ARIH1: variants seen among roughly 807,000 people sequenced by gnomAD.
ARIH1 encodes the protein E3 ubiquitin-protein ligase ARIH1.
In ARIH1, 8 loss-of-function variants were observed where a neutral mutation model predicts 85.0. That is an observed-to-expected ratio of 0.09 (90% CI 0.06 to 0.17). The LOEUF (loss-of-function observed/expected upper bound fraction) is 0.17. Ranked by LOEUF, ARIH1 falls within the 10% of genes least tolerant of loss-of-function variation. ARIH1 has a pLI of 1.00. For synonymous variants in ARIH1, 238 were observed against 253.6 expected (o/e 0.94, Z 0.59); for missense variants, 311 against 718.1 (o/e 0.43, Z 6.48).
chr15:72,490,702 CAAGCAGGGATGGGAGAGG>C (rs2063855697), intron 1 of ARIH1, among the ~76,000 whole-genome samples: 1 of 152,022 alleles, frequency 6.6e-6, no homozygotes, highest in South Asian at 2.1e-4. Flanking sequence ...TCATTCATGA[CAAGCAGGGATGGGAGAGG>C]AAGCAGGGAT....
intron 2 of ARIH1, among the ~76,000 whole-genome samples, chr15:72,529,141 A>C (rs1014283798): frequency 5.3e-5 from 8 of 151,942 alleles, no homozygotes; most frequent in Non-Finnish European, 1.5e-5. Context: ...CGGAGCTTGC[A>C]GTGAGCCGAG....
At chr15:72,548,609 C>A (rs770413822) in intron 3 of ARIH1, among the ~76,000 whole-genome samples, 14 of 152,162 alleles carry the variant, frequency 9.2e-5, no homozygotes, top group Non-Finnish European at 2.1e-4. Context: ...CGAAAAGTAT[C>A]ATGACAAAAC....
chr15:72,542,311 G>T (rs1199538600), intron 2 of ARIH1, among the ~76,000 whole-genome samples: 4 of 152,108 alleles, frequency 2.6e-5, no homozygotes, highest in African/African-American at 9.7e-5. Context: ...TATTAAAGAA[G>T]GTTGAAAGAC....
At chr15:72,579,318 A>G (rs1251483768) in intron 11 of ARIH1, among the ~76,000 whole-genome samples, 2 of 151,984 alleles carry the variant, frequency 1.3e-5, no homozygotes, top group Non-Finnish European at 2.9e-5. Context: ...CTATCCCTGC[A>G]TTTTCTGCAC....
At chr15:72,530,805 G>A (rs1427183408) in intron 2 of ARIH1, among the ~76,000 whole-genome samples, 2 of 152,174 alleles carry the variant, frequency 1.3e-5, no homozygotes, top group African/African-American at 2.4e-5. Context: ...AGAGAGTTTA[G>A]TGTATTTGAA....
intron 1 of ARIH1, among the ~76,000 whole-genome samples, chr15:72,483,583 T>C (rs2063824949): frequency 6.6e-6 from 1 of 152,240 alleles, no homozygotes; most frequent in East Asian, 1.9e-4. Context: ...TTACAGCTAT[T>C]GTATAATGCC....
intron 2 of ARIH1, among the ~76,000 whole-genome samples, chr15:72,539,570 A>G (rs1399487738): frequency 6.6e-6 from 1 of 152,246 alleles, no homozygotes; most frequent in South Asian, 2.1e-4. Context: ...AGGACAAAGA[A>G]GTAAGTAGCA....
At chr15:72,520,540 G>A (rs1449010965) in intron 2 of ARIH1, among the ~76,000 whole-genome samples, 1 of 151,876 alleles carries the variant, frequency 6.6e-6, no homozygotes, top group Admixed American at 6.6e-5. Flanking sequence ...TTAATGTTTA[G>A]ATTAAATTAC....
At chr15:72,563,322 G>GT in intron 6 of ARIH1, 72 bp from the exon 7 acceptor site, 2 of 1,382,336 alleles carry the variant, frequency 1.4e-6, no homozygotes, top group Non-Finnish European at 2.1e-6. Context: ...GCCTCCCTAA[G>GT]TTCTGGGATT....
intron 1 of ARIH1, among the ~76,000 whole-genome samples, chr15:72,485,236 T>C (rs60106752): frequency 0.038 from 5,837 of 152,262 alleles, 336 homozygotes; most frequent in African/African-American, 0.13. Context: ...AGTATCACCA[T>C]GAGGGTAATG....
chr15:72,478,427 T>C (rs1282553759), intron 1 of ARIH1, among the ~76,000 whole-genome samples: 1 of 152,090 alleles, frequency 6.6e-6, no homozygotes, highest in East Asian at 1.9e-4. Context: ...TAAAAAGTAG[T>C]TTTCTAATGT....
At chr15:72,483,198 C>T (rs888615407) in intron 1 of ARIH1, among the ~76,000 whole-genome samples, 1 of 152,088 alleles carries the variant, frequency 6.6e-6, no homozygotes, top group Admixed American at 6.6e-5. Flanking sequence ...GGGGAAGCTT[C>T]CCCTTCCGAG....
At chr15:72,487,252 A>G (rs1377651174) in intron 1 of ARIH1, among the ~76,000 whole-genome samples, 1 of 152,160 alleles carries the variant, frequency 6.6e-6, no homozygotes, top group Non-Finnish European at 1.5e-5. Context: ...AGACAATGCT[A>G]AGAATAGCTA....
intron 11 of ARIH1, 147 bp downstream of exon 11, chr15:72,572,312 A>C: frequency 1.1e-5 from 6 of 526,552 alleles, no homozygotes; most frequent in Non-Finnish European, 2.0e-5. Context: ...ATCTCAGCTC[A>C]CTGCAACCTC....
chr15:72,564,396 A>G (rs2064210284), intron 7 of ARIH1, among the ~76,000 whole-genome samples: 1 of 152,098 alleles, frequency 6.6e-6, no homozygotes, highest in African/African-American at 2.4e-5. Context: ...TTCTAACAAC[A>G]TTCTGTTCAT....
intron 1 of ARIH1, among the ~76,000 whole-genome samples, chr15:72,514,259 G>A (rs2063964613): frequency 6.6e-6 from 1 of 151,910 alleles, no homozygotes; most frequent in Admixed American, 6.6e-5. Context: ...GAGATTGTTT[G>A]TTTTTAAAAA....
chr15:72,530,255 G>A (rs1245163100), intron 2 of ARIH1, among the ~76,000 whole-genome samples: 4 of 152,180 alleles, frequency 2.6e-5, no homozygotes, highest in Non-Finnish European at 4.4e-5. Context: ...GGAAATAGAG[G>A]TTCAAGGTTG....
At chr15:72,520,713 T>C (rs1348676371) in intron 2 of ARIH1, among the ~76,000 whole-genome samples, 1 of 152,240 alleles carries the variant, frequency 6.6e-6, no homozygotes, top group African/African-American at 2.4e-5. Context: ...CTTACAACTA[T>C]ATAAAAGTTT....
At chr15:72,531,907 A>T in intron 2 of ARIH1, among the ~76,000 whole-genome samples, 1 of 152,308 alleles carries the variant, frequency 6.6e-6, no homozygotes, top group South Asian at 2.1e-4. Flanking sequence ...TGAAGTTTCA[A>T]ATACTCATAA....
Sources: gnomAD v4.1 joint callset for allele counts (sites outside exome capture counted in the v4.1 genomes callset) on GRCh38, gnomAD v4.1.1 for gene constraint, MANE v1.5 for transcripts, NCBI Gene and HGNC (gene_info 2026-07-23, HGNC 2026-07-21) for gene names.